ALG12: variants seen among roughly 807,000 people sequenced by gnomAD.
ALG12 encodes the protein ALG12 alpha-1,6-mannosyltransferase.
ALG12 carries 36 observed loss-of-function variants against 46.0 expected under a neutral mutation model. The observed-to-expected ratio is 0.78, with a 90% CI of 0.60 to 1.03. ALG12 has a LOEUF of 1.03. ALG12 is among the 50% of genes least tolerant of loss of function. ALG12 has a pLI of 0.00. For synonymous variants in ALG12, 326 were observed against 291.6 expected (o/e 1.12, Z -1.20); for missense variants, 599 against 633.5 (o/e 0.95, Z 0.58).
chr22:49,899,983 A>G (rs544502080), downstream of ALG12, among the ~76,000 whole-genome samples: 1 of 152,174 alleles, frequency 6.6e-6, no homozygotes, highest in Non-Finnish European at 1.5e-5. Flanking sequence ...ACACAGCGAG[A>G]CCCCATCTCT....
chr22:49,884,822 C>T, the ALG12 span: 1 of 1,610,740 alleles, frequency 6.2e-7, no homozygotes, highest in African/African-American at 1.3e-5. Context: ...CCTTCGGCCT[C>T]CTCCTCCCCT....
the ALG12 span, chr22:49,883,802 A>G: frequency 6.2e-7 from 1 of 1,613,460 alleles, no homozygotes; most frequent in Non-Finnish European, 8.5e-7. Flanking sequence ...AGCGAGCAGG[A>G]GGACATGAAG....
Position 49,909,972 on chromosome 22 carries a change from G to A in ALG12, c.586C>T (p.Leu196=), listed in dbSNP as rs2060566228. Residue 196 remains leucine, a synonymous_variant, in exon 5 of 10, where the codon CTG becomes TTG. Transcript: ENST00000330817. ...ACCTTTCGGTTGCCCAAGGCCAGCAGCAGCAGGAGGCCCAGGAACAGGCAC... is the reference window on the plus strand; with the variant it reads ...ACCTTTCGGTTGCCCAAGGCCAGCAACAGCAGGAGGCCCAGGAACAGGCAC... The part of the protein sequence containing the change: ...ELCLFLGLLL[L]LALGNRKVSV... 3 of 1,614,066 alleles carry A rather than the reference G, an allele frequency of 1.9e-6. No homozygotes were observed. The highest frequency in any genetic ancestry group is 2.5e-6 in the Non-Finnish European group (3 of 1,179,990).
the ALG12 span, chr22:49,884,760 G>A: frequency 1.9e-6 from 3 of 1,597,156 alleles, no homozygotes; most frequent in African/African-American, 1.3e-5. Flanking sequence ...TGCCGCCGGA[G>A]GGGGAGCTCA....
the ALG12 span, among the ~76,000 whole-genome samples, chr22:49,863,460 C>T: frequency 6.6e-6 from 1 of 152,110 alleles, no homozygotes; most frequent in Admixed American, 6.5e-5. Context: ...AACCACGTCT[C>T]TACTAAAAAT....
Position 49,905,506 on chromosome 22 carries a change from T to C in ALG12, c.993-1000A>G, listed in dbSNP as rs968363373. Among the ~76,000 whole-genome samples the C allele has an allele frequency of 1.3e-5, 2 of 152,198 alleles. No homozygotes were observed. The highest frequency in any genetic ancestry group is 4.8e-5 in the African/African-American group (2 of 41,450). ...GAATGGATTAGCGCCATCCCCTCCA[T>C]GCTGTTCTCCTCATACCGAGTGAGT... On this transcript the variant is annotated intron_variant, in intron 7 of 9. Transcript: ENST00000330817. The surrounding 1 kb of genome is among the most constrained non-coding windows in gnomAD (Gnocchi z 4.9).
At chr22:49,911,585 C>A (rs1189325069) in intron 3 of ALG12, among the ~76,000 whole-genome samples, 2 of 152,150 alleles carry the variant, frequency 1.3e-5, no homozygotes, top group Non-Finnish European at 2.9e-5. Context: ...TAGGCGCATG[C>A]CAACACGCCC....
chr22:49,916,575 G>A (rs565550460), intron 1 of ALG12, among the ~76,000 whole-genome samples: 5 of 152,048 alleles, frequency 3.3e-5, no homozygotes, highest in East Asian at 1.9e-4. Context: ...GCCAGACTCC[G>A]TCTCAAAAAA....
At chr22:49,885,627 C>T in the ALG12 span, 1 of 1,610,728 alleles carries the variant, frequency 6.2e-7, no homozygotes, top group Non-Finnish European at 8.5e-7. Context: ...ACCCAGTTGC[C>T]AAAAAAATCA....
the ALG12 span, among the ~76,000 whole-genome samples, chr22:49,864,368 A>T: frequency 1.2e-3 from 178 of 152,356 alleles, 2 homozygotes; most frequent in African/African-American, 4.0e-3. Flanking sequence ...TCATTACTGA[A>T]AACAGTGAAG....
the ALG12 span, among the ~76,000 whole-genome samples, chr22:49,891,569 C>T: frequency 6.6e-6 from 1 of 152,166 alleles, no homozygotes; most frequent in Non-Finnish European, 1.5e-5. Context: ...CTTTAGGGCA[C>T]TGTCCTCATA....
chr22:49,898,195 C>T (rs764556006), downstream of ALG12, among the ~76,000 whole-genome samples: 100 of 151,392 alleles, frequency 6.6e-4, 1 homozygote, highest in Non-Finnish European at 3.5e-4. Flanking sequence ...TTTGTAGGGA[C>T]GGAGTATCAC....
At chr22:49,915,317 G>A (rs551102837) in intron 1 of ALG12, among the ~76,000 whole-genome samples, 13 of 152,240 alleles carry the variant, frequency 8.5e-5, no homozygotes, top group African/African-American at 2.4e-4. Flanking sequence ...CCAGCTCTTC[G>A]GGAGGCTGAG....
the ALG12 span, among the ~76,000 whole-genome samples, chr22:49,882,653 TC>T: frequency 6.6e-6 from 1 of 152,240 alleles, no homozygotes; most frequent in Non-Finnish European, 1.5e-5. Context: ...AACGCCATGT[TC>T]CTTCACTTCC....
At chr22:49,912,129 AGGATCACCCTCGGCCCCG>A (rs1395281007) in intron 3 of ALG12, among the ~76,000 whole-genome samples, 13 of 119,404 alleles carry the variant, frequency 1.1e-4, no homozygotes, top group Non-Finnish European at 1.3e-4. Context: ...GCCTGGCCCC[AGGATCACCCTCGGCCCCG>A]GGATCACCCT....
chr22:49,910,207 A>G, intron 4 of ALG12, 119 bp from the exon 5 acceptor site: 3 of 1,291,094 alleles, frequency 2.3e-6, no homozygotes, highest in Non-Finnish European at 3.2e-6. Flanking sequence ...AATATCCCAG[A>G]AAAGAAACTG....
the ALG12 span, among the ~76,000 whole-genome samples, chr22:49,892,187 CAAAA>C: frequency 0.027 from 1,513 of 55,246 alleles, 6 homozygotes; most frequent in African/African-American, 0.081. Flanking sequence ...GACTCTGTCT[CAAAA>C]AAAAAAAAAA....
chr22:49,873,358 A>G, the ALG12 span, among the ~76,000 whole-genome samples: 541 of 152,268 alleles, frequency 3.6e-3, 4 homozygotes, highest in Admixed American at 6.5e-3. Flanking sequence ...GAGGAGAGGG[A>G]GAGAGACGGG....
the ALG12 span, among the ~76,000 whole-genome samples, chr22:49,878,916 G>A: frequency 4.6e-5 from 7 of 151,836 alleles, no homozygotes; most frequent in Non-Finnish European, 1.0e-4. Context: ...AGGCCGAGGC[G>A]GGCAGATCAC....
Sources: gnomAD v4.1 joint callset for allele counts (sites outside exome capture counted in the v4.1 genomes callset) on GRCh38, gnomAD v4.1.1 for gene constraint, Gnocchi (gnomAD v3.1) non-coding constraint, MANE v1.5 for transcripts, NCBI Gene and HGNC (gene_info 2026-07-23, HGNC 2026-07-21) for gene names.